Variants in GRM3 observed in about 807,000 individuals in gnomAD.
GRM3 encodes the protein metabotropic glutamate receptor 3.
In GRM3, 26 loss-of-function variants were observed where a neutral mutation model predicts 70.5. The ratio of observed to expected loss-of-function variants is 0.37; its 90% CI spans 0.27 to 0.51. The LOEUF is 0.51. Ranked by LOEUF, GRM3 falls within the 20% of genes least tolerant of loss-of-function variation. GRM3 has a pLI of 0.93. For missense variants in GRM3, 859 were observed against 1,123.8 expected (o/e 0.76, Z 3.37); for synonymous variants, 443 against 434.9 (o/e 1.02, Z -0.23).
intron 3 of GRM3, among the ~76,000 whole-genome samples, chr7:86,827,639 G>T (rs951383772): frequency 2.0e-5 from 3 of 151,636 alleles, no homozygotes; most frequent in African/African-American, 7.3e-5. Flanking sequence ...CCAGCCTCCC[G>T]AGTAGCTGTT....
intron 1 of GRM3, among the ~76,000 whole-genome samples, chr7:86,757,622 T>C (rs1027721583): frequency 6.6e-6 from 1 of 152,180 alleles, no homozygotes; most frequent in African/African-American, 2.4e-5. Flanking sequence ...TGCAGCTCAC[T>C]GCCCCACAAA....
At chr7:86,791,622 G>A (rs149836788) in intron 3 of GRM3, among the ~76,000 whole-genome samples, 1 of 152,322 alleles carries the variant, frequency 6.6e-6, no homozygotes, top group East Asian at 1.9e-4. Flanking sequence ...TTTTGCATGT[G>A]CACGAGGACT....
chr7:86,862,721 T>C (rs1798983918), intron 5 of GRM3, among the ~76,000 whole-genome samples: 1 of 152,168 alleles, frequency 6.6e-6, no homozygotes, highest in African/African-American at 2.4e-5. Context: ...ATTGAGGGGC[T>C]GTAGATTCCC....
intron 3 of GRM3, among the ~76,000 whole-genome samples, chr7:86,788,949 G>A (rs1290055069): frequency 1.3e-5 from 2 of 152,152 alleles, no homozygotes; most frequent in East Asian, 1.9e-4. Context: ...GCCTTTGCAA[G>A]GTGTTTTATG....
At chr7:86,772,680 G>A (rs1796776557) in intron 2 of GRM3, among the ~76,000 whole-genome samples, 1 of 152,058 alleles carries the variant, frequency 6.6e-6, no homozygotes, top group South Asian at 2.1e-4. Context: ...GCCAGATGCT[G>A]TGCTTGTAGC....
chr7:86,824,575 G>GA (rs529030930), intron 3 of GRM3, among the ~76,000 whole-genome samples: 319 of 152,068 alleles, frequency 2.1e-3, no homozygotes, highest in African/African-American at 7.3e-3. Flanking sequence ...GGTAGGCTAA[G>GA]AAAAAAAGAA....
intron 2 of GRM3, among the ~76,000 whole-genome samples, chr7:86,778,077 AC>A (rs2116488266): frequency 6.6e-6 from 1 of 152,356 alleles, no homozygotes; most frequent in Non-Finnish European, 1.5e-5. Context: ...AAAGGTGTAG[AC>A]TTATTCTTAG....
intron 1 of GRM3, among the ~76,000 whole-genome samples, chr7:86,648,563 C>A (rs1329370561): frequency 6.6e-6 from 1 of 152,086 alleles, no homozygotes; most frequent in African/African-American, 2.4e-5. Flanking sequence ...GCAGTAGCCC[C>A]TTTATACTGA....
chr7:86,702,117 G>T (rs1290303132), intron 1 of GRM3, among the ~76,000 whole-genome samples: 1 of 151,874 alleles, frequency 6.6e-6, no homozygotes, highest in Non-Finnish European at 1.5e-5. Flanking sequence ...AATAAAAAAA[G>T]AAGTCCTTCT....
At chr7:86,850,726 G>A (rs1046682119) in intron 5 of GRM3, among the ~76,000 whole-genome samples, 182 bp downstream of exon 5, 1 of 151,878 alleles carries the variant, frequency 6.6e-6, no homozygotes, top group Admixed American at 6.6e-5. Flanking sequence ...AAGGAGCAAA[G>A]AAGTCAAAGT....
At chr7:86,761,314 A>G (rs1045412110) in intron 1 of GRM3, among the ~76,000 whole-genome samples, 3 of 152,096 alleles carry the variant, frequency 2.0e-5, no homozygotes, top group Non-Finnish European at 4.4e-5. Flanking sequence ...TAAGCAGTAA[A>G]TGTAGGTCAG....
At chr7:86,819,380 C>A (rs935203010) in intron 3 of GRM3, among the ~76,000 whole-genome samples, 6 of 152,040 alleles carry the variant, frequency 3.9e-5, no homozygotes, top group African/African-American at 1.4e-4. Context: ...CAATTGATGT[C>A]CTAAAACTGT....
intron 3 of GRM3, among the ~76,000 whole-genome samples, chr7:86,823,790 A>T (rs576941372): frequency 5.3e-4 from 81 of 152,200 alleles, no homozygotes; most frequent in Non-Finnish European, 8.8e-4. Flanking sequence ...CCTTAAAAAG[A>T]CTTCTCTGAT....
At chr7:86,775,031 A>AAAAAG (rs1293530525) in intron 2 of GRM3, 3 of 152,154 alleles carry the variant, frequency 2.0e-5, no homozygotes, top group Admixed American at 6.6e-5. Context: ...CCTTGATCTA[A>AAAAAG]AATTAAATTA....
intron 1 of GRM3, among the ~76,000 whole-genome samples, chr7:86,757,807 C>G (rs1448994933): frequency 6.6e-6 from 1 of 151,892 alleles, no homozygotes; most frequent in Non-Finnish European, 1.5e-5. Context: ...TCATAGTTTG[C>G]TTCATATTTT....
At chr7:86,742,632 C>T (rs1172916168) in intron 1 of GRM3, among the ~76,000 whole-genome samples, 11 of 152,034 alleles carry the variant, frequency 7.2e-5, no homozygotes, top group South Asian at 6.3e-4. Flanking sequence ...ACCTGAAAGT[C>T]GGGTGGAAGA....
chr7:86,757,756 A>G (rs905473873), intron 1 of GRM3, among the ~76,000 whole-genome samples: 4 of 152,044 alleles, frequency 2.6e-5, no homozygotes, highest in African/African-American at 4.8e-5. Context: ...CTATGGGGTA[A>G]CCATGGGGTT....
At chr7:86,703,361 A>G (rs1794988154) in intron 1 of GRM3, among the ~76,000 whole-genome samples, 1 of 151,914 alleles carries the variant, frequency 6.6e-6, no homozygotes, top group African/African-American at 2.4e-5. Flanking sequence ...AGGTTCATGG[A>G]ATTTCTATAT....
At chr7:86,664,972 T>C (rs1029650385) in intron 1 of GRM3, among the ~76,000 whole-genome samples, 2 of 152,076 alleles carry the variant, frequency 1.3e-5, no homozygotes, top group Non-Finnish European at 2.9e-5. Flanking sequence ...TTCTTATTTC[T>C]TTTTCTCAAT....
Sources: gnomAD v4.1 joint callset for allele counts (sites outside exome capture counted in the v4.1 genomes callset) on GRCh38, gnomAD v4.1.1 for gene constraint, MANE v1.5 for transcripts, NCBI Gene and HGNC (gene_info 2026-07-23, HGNC 2026-07-21) for gene names.